Variants in UBE4B observed in about 807,000 individuals in gnomAD.
The protein encoded by UBE4B is ubiquitin conjugation factor E4 B.
A neutral mutation model predicts 148.1 loss-of-function variants in UBE4B; 27 were observed. The ratio of observed to expected loss-of-function variants is 0.18; its 90% CI spans 0.13 to 0.25. UBE4B has a LOEUF of 0.25. Ranked by LOEUF, UBE4B falls within the 10% of genes least tolerant of loss-of-function variation. UBE4B has a pLI of 1.00. For synonymous variants in UBE4B, 596 were observed against 619.3 expected (o/e 0.96, Z 0.56); for missense variants, 1,170 against 1,662.4 (o/e 0.70, Z 5.15).
chr1:10,173,908 A>G (rs999135409), intron 25 of UBE4B, among the ~76,000 whole-genome samples: 1 of 152,200 alleles, frequency 6.6e-6, no homozygotes, highest in African/African-American at 2.4e-5. Flanking sequence ...TTGGTGACCA[A>G]CCACACATTG....
chr1:10,089,102 G>A lies in UBE4B; in HGVS notation c.212-6359G>A, dbSNP rs186218419. On this transcript the variant is annotated intron_variant, in intron 2 of 27. Transcript: ENST00000343090. The stretch of plus-strand genomic sequence containing the variant: ...GCTCACTGCAACCTCTGCCTCCCAG[G>A]TTCCAGTGATTCTGCTGCCTCAGCC... Among the ~76,000 whole-genome samples the A allele has an allele frequency of 1.1e-3, 161 of 152,296 alleles. 1 individual carries two copies. Among genetic ancestry groups the A allele is most frequent in the African/African-American group, 3.2e-3 (134 of 41,568 alleles).
chr1:10,134,449 T>C (rs4415569), intron 15 of UBE4B, among the ~76,000 whole-genome samples: 7,249 of 151,466 alleles, frequency 0.048, 447 homozygotes, highest in East Asian at 0.13. Flanking sequence ...GAGGCGGAGG[T>C]TGTAGTGAGC....
At position 10,174,673 on chromosome 1, in the gene UBE4B, G is replaced by A. The variant is rs183129727; in HGVS notation, c.3525+3344G>A. Among the ~76,000 whole-genome samples the A allele has an allele frequency of 1.9e-4, 28 of 147,756 alleles. No homozygotes were observed. In the East Asian group the frequency reaches 5.5e-3, roughly 29 times the overall value. Reference sequence around the variant, plus strand: ...GCCGAGATCGTGCCATTGCACTCCAGCTTGGGCAACAAGAGCGAAACTCCG... The same window carrying A: ...GCCGAGATCGTGCCATTGCACTCCAACTTGGGCAACAAGAGCGAAACTCCG... On this transcript the variant is annotated intron_variant, in intron 25 of 27. Coordinates refer to ENST00000343090, the MANE Select transcript of UBE4B (RefSeq NM_001105562.3).
At chr1:10,040,900 G>T (rs1321916913) in intron 1 of UBE4B, among the ~76,000 whole-genome samples, 5 of 152,110 alleles carry the variant, frequency 3.3e-5, no homozygotes, top group Non-Finnish European at 1.5e-5. Context: ...GATTACCGGC[G>T]TGAGCCACCG....
intron 1 of UBE4B, among the ~76,000 whole-genome samples, chr1:10,044,448 T>C (rs1643874878): frequency 6.6e-6 from 1 of 152,110 alleles, no homozygotes; most frequent in Non-Finnish European, 1.5e-5. Context: ...TAGAAGACAC[T>C]TTTTCCATGG....
At chr1:10,175,610 C>A (rs531950264) in intron 25 of UBE4B, among the ~76,000 whole-genome samples, 17 of 152,010 alleles carry the variant, frequency 1.1e-4, no homozygotes, top group Non-Finnish European at 2.2e-4. Context: ...GAGATCGCGC[C>A]ACTGCACTCC....
At chr1:10,053,293 C>A (rs1031819879) in intron 1 of UBE4B, among the ~76,000 whole-genome samples, 1 of 151,554 alleles carries the variant, frequency 6.6e-6, no homozygotes. Context: ...GGACTACAGG[C>A]ATGCACCACC....
intron 2 of UBE4B, among the ~76,000 whole-genome samples, chr1:10,086,729 C>T (rs1644771965): frequency 6.6e-6 from 1 of 152,004 alleles, no homozygotes; most frequent in Admixed American, 6.6e-5. Context: ...TGTAGTCTCA[C>T]TGTCACCCAG....
Position 10,053,395 on chromosome 1 carries a change from C to T in UBE4B, c.25-18633C>T, listed in dbSNP as rs1029448825. Among the ~76,000 whole-genome samples the T allele has an allele frequency of 4.6e-5, 7 of 151,908 alleles. No individual in the cohort carries two copies. In the East Asian group the frequency reaches 7.8e-4, roughly 17 times the overall value. On this transcript the variant is annotated intron_variant, in intron 1 of 27. Coordinates refer to ENST00000343090, the MANE Select transcript of UBE4B (RefSeq NM_001105562.3). ...CGATCTCCTGACCTCGTGATCCACC[C>T]GCCTCAGCCTCCCAAAGTCCTGGGA... is the stretch of plus-strand genomic sequence containing the variant.
chr1:10,074,420 C>A (rs540068382), intron 2 of UBE4B, among the ~76,000 whole-genome samples: 1 of 151,618 alleles, frequency 6.6e-6, no homozygotes, highest in East Asian at 1.9e-4. Context: ...CTCTCTTGAT[C>A]TAATTCCCCC....
In UBE4B at chr1:10,102,962, C is replaced by T; in HGVS notation, c.450C>T (p.Gly150=). The T allele has an allele frequency of 1.2e-6, 2 of 1,611,390 alleles. No individual in the cohort carries two copies. The highest frequency in any genetic ancestry group is 1.7e-6 in the Non-Finnish European group (2 of 1,177,944). ...TTCTTCACCAGGAGCCTTCCTCGGGCCCTGAAGTGTCTGAAGAGCAGGCCT... is the reference window on the plus strand; with the variant it reads ...TTCTTCACCAGGAGCCTTCCTCGGGTCCTGAAGTGTCTGAAGAGCAGGCCT... ...RSLSDKEPSS[G]PEVSEEQALQ... The change falls in exon 5 of 28, where the codon GGC becomes GGT. Residue 150 remains glycine (G), a synonymous_variant. Transcript: ENST00000343090.
Position 10,134,281 on chromosome 1 carries a change from C to T in UBE4B, c.2026-707C>T, listed in dbSNP as rs7531071. Among the ~76,000 whole-genome samples the T allele has an allele frequency of 4.8e-3, 729 of 151,966 alleles. 9 individuals are homozygous for T. Among genetic ancestry groups the T allele is most frequent in the African/African-American group, 0.016 (679 of 41,452 alleles). The stretch of plus-strand genomic sequence containing the variant: ...ATCCCAGCAATTTGGGAGGCCGAGA[C>T]GGGCGTATCACCTGAGGTCAGGAGT... On this transcript the variant is annotated intron_variant, in intron 15 of 27. Coordinates refer to ENST00000343090, the MANE Select transcript of UBE4B (RefSeq NM_001105562.3).
At chr1:10,035,707 G>A (rs1480094046) in intron 1 of UBE4B, among the ~76,000 whole-genome samples, 1 of 146,836 alleles carries the variant, frequency 6.8e-6, no homozygotes, top group East Asian at 2.0e-4. Flanking sequence ...TGACCGGCCA[G>A]AGATAGTTTT....
At chr1:10,036,275 T>G (rs1166307031) in intron 1 of UBE4B, among the ~76,000 whole-genome samples, 1 of 152,072 alleles carries the variant, frequency 6.6e-6, no homozygotes, top group Non-Finnish European at 1.5e-5. Context: ...TGTGACCATA[T>G]GAGGAACACA....
rs536260352 is a variant in UBE4B at position 10,162,421 on chromosome 1, C to T, written c.3198+1135C>T. Among the ~76,000 whole-genome samples, 3 of 152,272 alleles carry T rather than the reference C, an allele frequency of 2.0e-5. 1 individual carries two copies. In the South Asian group the frequency reaches 6.2e-4, roughly 32 times the overall value. ...ATCTCCTGACCTTGTGATCCGCCTT[C>T]CTCGGCCTCCCAAAGTGCTGGGATT... On this transcript the variant is annotated intron_variant, in intron 23 of 27. Coordinates refer to ENST00000343090, the MANE Select transcript of UBE4B (RefSeq NM_001105562.3).
Position 10,168,336 on chromosome 1 carries a change from C to A in UBE4B, c.3333+66C>A. 1 of 1,553,620 alleles carries A rather than the reference C, an allele frequency of 6.4e-7. No homozygotes were observed. The highest frequency in any genetic ancestry group is 8.7e-7 in the Non-Finnish European group (1 of 1,149,384). On this transcript the variant is annotated intron_variant, in intron 24 of 27. Coordinates refer to ENST00000343090, the MANE Select transcript of UBE4B (RefSeq NM_001105562.3). The surrounding 1 kb of genome is among the most constrained non-coding windows in gnomAD (Gnocchi z 4.9). ...CACATTCAGACTCTCTCACTTATAA[C>A]TTTAGCAGTTGTTGAAGTTCTGGAA...
intron 3 of UBE4B, among the ~76,000 whole-genome samples, chr1:10,095,857 C>T (rs555899316): frequency 2.6e-5 from 4 of 152,236 alleles, no homozygotes; most frequent in East Asian, 1.9e-4. Context: ...CTGCAATTTC[C>T]GCCTCCCAGG....
intron 17 of UBE4B, among the ~76,000 whole-genome samples, chr1:10,138,009 G>A (rs1346777364): frequency 2.3e-5 from 3 of 130,780 alleles, no homozygotes; most frequent in Admixed American, 9.5e-5. Context: ...ATCTCAGCTC[G>A]GTGCAACCTC....
At chr1:10,139,112 G>A (rs1645743177) in intron 17 of UBE4B, among the ~76,000 whole-genome samples, 1 of 152,134 alleles carries the variant, frequency 6.6e-6, no homozygotes, top group African/African-American at 2.4e-5. Flanking sequence ...GAAGAAACTG[G>A]GGGCTGGGCA....
Sources: allele counts gnomAD v4.1 joint callset (sites outside exome capture counted in the v4.1 genomes callset), GRCh38; gene constraint gnomAD v4.1.1; non-coding constraint Gnocchi (gnomAD v3.1); transcripts MANE v1.5; gene names NCBI Gene and HGNC (gene_info 2026-07-23, HGNC 2026-07-21).